Variants in ZBTB44 observed in about 807,000 individuals in gnomAD.
The protein encoded by ZBTB44 is zinc finger and BTB domain containing 44.
Under a neutral mutation model 54.0 loss-of-function variants are expected in ZBTB44, and 15 were observed. That is an observed-to-expected ratio of 0.28 (90% CI 0.19 to 0.43). The LOEUF (loss-of-function observed/expected upper bound fraction) is 0.43, where lower values mean the gene tolerates loss of function less well. Among genes scored for constraint, ZBTB44 ranks in the 20% least tolerant of loss-of-function variants. The probability of loss-of-function intolerance (pLI) is 1.00; values close to 1 mark genes in which losing one functional copy is unlikely to be tolerated. For missense variants in ZBTB44, 487 were observed against 707.1 expected (o/e 0.69, Z 3.53); for synonymous variants, 230 against 250.1 (o/e 0.92, Z 0.76).
At chr11:130,307,648 T>C (rs1942353120) in intron 1 of ZBTB44, among the ~76,000 whole-genome samples, 1 of 152,028 alleles carries the variant, frequency 6.6e-6, no homozygotes, top group African/African-American at 2.4e-5. Context: ...ACCACAACCG[T>C]CCCATATTAT....
intron 2 of ZBTB44, among the ~76,000 whole-genome samples, chr11:130,257,238 T>TAAA (rs572669481): frequency 9.4e-4 from 103 of 109,352 alleles, no homozygotes; most frequent in African/African-American, 2.9e-3. Flanking sequence ...TCCCAGATCT[T>TAAA]AAAAAAAAAA....
At chr11:130,284,262 T>C (rs1007745812) in intron 1 of ZBTB44, among the ~76,000 whole-genome samples, 2 of 152,260 alleles carry the variant, frequency 1.3e-5, no homozygotes, top group African/African-American at 2.4e-5. Flanking sequence ...TTCTTGCTCA[T>C]AGGCAATACG....
rs182832023 is a variant in ZBTB44, at chr11:130,252,508, T to G, written c.1018+8348A>C. On this transcript the variant is annotated intron_variant, in intron 2 of 7. Transcript: ENST00000357899. ...GCACCGCATGGCACTTATTCTAAAA[T>G]AGACCACATAATTGGAAGTAAAACA... Among the ~76,000 whole-genome samples the G allele has an allele frequency of 3.2e-3, 489 of 152,272 alleles. 1 individual carries two copies. Among genetic ancestry groups the G allele is most frequent in the Non-Finnish European group, 4.4e-3 (298 of 68,026 alleles).
intron 1 of ZBTB44, chr11:130,296,358 G>A (rs1213280870): frequency 5.9e-6 from 9 of 1,538,406 alleles, no homozygotes; most frequent in South Asian, 2.5e-5. Context: ...TTGTATGTCC[G>A]TGAAATACCA....
intron 1 of ZBTB44, among the ~76,000 whole-genome samples, chr11:130,271,604 T>C (rs911028702): frequency 2.6e-5 from 4 of 152,248 alleles, no homozygotes; most frequent in Admixed American, 2.6e-4. Flanking sequence ...AATCATATAA[T>C]AATGTGGACG....
rs373677642 is a variant in ZBTB44 at position 130,261,679 on chromosome 11, C to G, written c.195G>C (p.Glu65Asp). Residue 65 changes from glutamate (E) to aspartate (D), a missense_variant, in exon 2 of 8, where the codon GAG (glutamate) becomes GAC (aspartate). This residue lies in a region of ZBTB44 where 90 missense variants were observed against 160.3 expected (regional missense o/e 0.56). Coordinates refer to ENST00000357899, the MANE Select transcript of ZBTB44 (RefSeq NM_001301098.2). The surrounding 1 kb of genome is among the most constrained non-coding windows in gnomAD (Gnocchi z 4.8). Reference protein sequence around the residue: ...FFRTKLVGQAEDENKNVLDLH... With the variant: ...FFRTKLVGQADDENKNVLDLH... Reference sequence around the variant, plus strand: ...GATCCAACACATTCTTGTTCTCATCCTCGGCTTGGCCTACAAGTTTGGTGC... The same window carrying G: ...GATCCAACACATTCTTGTTCTCATCGTCGGCTTGGCCTACAAGTTTGGTGC... The G allele has an allele frequency of 3.7e-6, 6 of 1,613,908 alleles. No individual in the cohort carries two copies. The highest frequency in any genetic ancestry group is 5.1e-6 in the Non-Finnish European group (6 of 1,179,898).
intron 2 of ZBTB44, among the ~76,000 whole-genome samples, chr11:130,254,371 A>G (rs2136382744): frequency 6.6e-6 from 1 of 152,340 alleles, no homozygotes; most frequent in East Asian, 1.9e-4. Flanking sequence ...CAAATTTACA[A>G]GAAAAAAACA....
rs1953830073 is a variant in ZBTB44 at position 130,230,367 on chromosome 11, A to G, written c.*1397T>C. ...ACCAATAATTATGGACATCAGATGT[A>G]TTGACTAGTCTATTTCATTTGGCAA... is the stretch of plus-strand genomic sequence containing the variant. On this transcript the variant is annotated 3_prime_UTR_variant, in exon 8 of 8. Coordinates refer to ENST00000357899, the MANE Select transcript of ZBTB44 (RefSeq NM_001301098.2). 6.9e-6 allele frequency: 1 copy of G among 144,984 alleles called. No individual in the cohort carries two copies. Among genetic ancestry groups the G allele is most frequent in the African/African-American group, 2.5e-5 (1 of 39,866 alleles). 9.0% of individuals were successfully genotyped at this position (144,984 alleles called of 1,614,324 possible).
rs1938850982 is a variant in ZBTB44, at chr11:130,261,332, C to T, written c.542G>A (p.Arg181Gln). Residue 181 changes from arginine to glutamine, a missense_variant, in exon 2 of 8, where the codon CGG becomes CAG. This residue lies in a region of ZBTB44 where 277 missense variants were observed against 306.5 expected (regional missense o/e 0.90). Coordinates refer to ENST00000357899, the MANE Select transcript of ZBTB44 (RefSeq NM_001301098.2). This position sits in a 1 kb window ranked among gnomAD's most constrained non-coding sequence, Gnocchi z 4.8. ...ERTIPVCRES[R>Q]RKRKSYIVMS... is the part of the protein sequence containing the mutation. ...AACAATGTAGCTTTTGCGCTTTCTCCGGGATTCTCGGCAGACAGGAATGGT... is the reference window on the plus strand; with the variant it reads ...AACAATGTAGCTTTTGCGCTTTCTCTGGGATTCTCGGCAGACAGGAATGGT... 9 of 1,613,766 alleles carry T rather than the reference C, an allele frequency of 5.6e-6. No individual in the cohort carries two copies. Among genetic ancestry groups the T allele is most frequent in the East Asian group, 2.2e-5 (1 of 44,882 alleles).
Position 130,236,799 on chromosome 11 carries a change from T to C in ZBTB44, c.1562A>G (p.Gln521Arg). ...TTTTCGTTGTGCACCTCACCTGCTC[T>C]GGAAGTAGTTTGCTAGCTCTGATGC... ...HEASELANYF[Q>R]SSDFLVPDYL... is the part of the protein sequence containing the mutation. The change falls in exon 5 of 8, where the codon CAG becomes CGG. Residue 521 changes from glutamine (Q) to arginine (R), a missense_variant. Around this residue, in one of 3 missense-constraint regions of ZBTB44, gnomAD observed 120 missense variants for 240.3 expected, o/e 0.50. Transcript: ENST00000357899. The C allele has an allele frequency of 1.5e-6, 2 of 1,337,954 alleles. No individual in the cohort carries two copies. Among genetic ancestry groups the C allele is most frequent in the Non-Finnish European group, 1.9e-6 (2 of 1,044,908 alleles). 82.9% of individuals were successfully genotyped at this position (1,337,954 alleles called of 1,614,324 possible). A position where few individuals can be genotyped will look rare whatever the true frequency, so the allele number is the denominator to read the frequency against.
chr11:130,305,407 G>A (rs979571631), intron 1 of ZBTB44, among the ~76,000 whole-genome samples: 2 of 152,228 alleles, frequency 1.3e-5, no homozygotes, highest in African/African-American at 4.8e-5. Flanking sequence ...ATAAAAACAG[G>A]CATGTAGACC....
At chr11:130,260,445 T>G (rs915747883) in intron 2 of ZBTB44, among the ~76,000 whole-genome samples, 4 of 152,266 alleles carry the variant, frequency 2.6e-5, no homozygotes, top group African/African-American at 9.6e-5. Flanking sequence ...GATAGTTCAC[T>G]GTAATCATTT....
At chr11:130,259,990 CATTTT>C (rs1470160367) in intron 2 of ZBTB44, among the ~76,000 whole-genome samples, 2 of 151,782 alleles carry the variant, frequency 1.3e-5, no homozygotes, top group Non-Finnish European at 2.9e-5. Context: ...AACTATAAAT[CATTTT>C]ATTTTCAATC....
intron 1 of ZBTB44, among the ~76,000 whole-genome samples, chr11:130,278,245 C>T (rs1321037166): frequency 3.3e-5 from 5 of 152,160 alleles, no homozygotes; most frequent in Non-Finnish European, 7.4e-5. Flanking sequence ...AAAACACTGA[C>T]ATTAGCTTAC....
At chr11:130,249,544 C>G (rs1232291882) in intron 2 of ZBTB44, among the ~76,000 whole-genome samples, 1 of 152,092 alleles carries the variant, frequency 6.6e-6, no homozygotes, top group Non-Finnish European at 1.5e-5. Flanking sequence ...GTCTGCAGCT[C>G]CCAGTGAGAC....
chr11:130,254,786 T>G (rs1221273627), intron 2 of ZBTB44, among the ~76,000 whole-genome samples: 1 of 152,196 alleles, frequency 6.6e-6, no homozygotes, highest in African/African-American at 2.4e-5. Flanking sequence ...GTATGTTTAT[T>G]GTGGCACTAT....
chr11:130,287,421 T>A (rs889860032), intron 1 of ZBTB44, among the ~76,000 whole-genome samples: 4 of 152,224 alleles, frequency 2.6e-5, no homozygotes, highest in Non-Finnish European at 4.4e-5. Flanking sequence ...CTCTCTAGTC[T>A]TCATTAGTTT....
At chr11:130,265,502 T>C (rs1939185786) in intron 1 of ZBTB44, among the ~76,000 whole-genome samples, 1 of 152,168 alleles carries the variant, frequency 6.6e-6, no homozygotes, top group Non-Finnish European at 1.5e-5. Flanking sequence ...AATGAAATGC[T>C]AGAAATGATT....
chr11:130,308,455 T>C (rs1942399226), intron 1 of ZBTB44, among the ~76,000 whole-genome samples: 1 of 152,228 alleles, frequency 6.6e-6, no homozygotes, highest in Non-Finnish European at 1.5e-5. Context: ...CCACTTATTG[T>C]GATACTCTAG....
Sources: allele counts gnomAD v4.1 joint callset (sites outside exome capture counted in the v4.1 genomes callset), GRCh38; gene constraint gnomAD v4.1.1; regional missense constraint gnomAD v4.1.1; non-coding constraint Gnocchi (gnomAD v3.1); transcripts MANE v1.5; gene names NCBI Gene and HGNC (gene_info 2026-07-23, HGNC 2026-07-21).